The following RBFOX1 variants were observed in gnomAD, a reference collection of about 807,000 sequenced individuals.
The protein encoded by RBFOX1 is RNA binding fox-1 homolog 1.
RBFOX1 carries 8 observed loss-of-function variants against 57.7 expected under a neutral mutation model. That is an observed-to-expected ratio of 0.14 (90% confidence interval 0.08 to 0.25). The LOEUF (loss-of-function observed/expected upper bound fraction) is 0.25, where lower values mean the gene tolerates loss of function less well. Ranked by LOEUF, RBFOX1 falls within the 10% of genes least tolerant of loss-of-function variation. RBFOX1 has a pLI of 1.00. For synonymous variants in RBFOX1, 326 were observed against 222.4 expected, an observed-to-expected ratio of 1.47 and a Z score of -4.15; for missense variants, 611 against 548.5, an observed-to-expected ratio of 1.11 and a Z score of -1.14.
At chr16:7,091,212 C>T (rs1369630959) in intron 4 of RBFOX1, among the ~76,000 whole-genome samples, 1 of 152,012 alleles carries the variant, frequency 6.6e-6, no homozygotes, top group Non-Finnish European at 1.5e-5. Context: ...ATTCCAAGTA[C>T]ACTTCCTCTG....
chr16:7,273,735 C>CCATTCAT (rs2095386413), intron 4 of RBFOX1, among the ~76,000 whole-genome samples: 1 of 152,158 alleles, frequency 6.6e-6, no homozygotes, highest in Admixed American at 6.5e-5. Context: ...TCTAAATTCC[C>CCATTCAT]CATTCATCAG....
At chr16:6,961,454 G>C (rs1250045942) in intron 3 of RBFOX1, among the ~76,000 whole-genome samples, 1 of 152,182 alleles carries the variant, frequency 6.6e-6, no homozygotes, top group Non-Finnish European at 1.5e-5. Flanking sequence ...TATCAGAAAG[G>C]GGTCCCGATC....
At chr16:6,853,162 A>G (rs1178072772) in intron 3 of RBFOX1, among the ~76,000 whole-genome samples, 2 of 152,150 alleles carry the variant, frequency 1.3e-5, no homozygotes, top group African/African-American at 2.4e-5. Context: ...TCTGAGCCTG[A>G]GTTTCCTCCT....
intron 1 of RBFOX1, among the ~76,000 whole-genome samples, chr16:6,100,423 A>C (rs1220003259): frequency 6.6e-6 from 1 of 152,132 alleles, no homozygotes; most frequent in Non-Finnish European, 1.5e-5. Flanking sequence ...CGGCCTCCCA[A>C]AGTGCTGGGA....
chr16:7,615,205 C>A (rs2058233723), intron 10 of RBFOX1, among the ~76,000 whole-genome samples: 1 of 152,160 alleles, frequency 6.6e-6, no homozygotes. Context: ...TGGTGGCGGG[C>A]ACCTGTAGTC....
chr16:6,426,021 T>A (rs1183318316), intron 2 of RBFOX1, among the ~76,000 whole-genome samples: 3 of 151,994 alleles, frequency 2.0e-5, no homozygotes, highest in Non-Finnish European at 4.4e-5. Context: ...AATTGTAGAA[T>A]CTTGTTGGCA....
At chr16:6,441,838 C>T (rs1343359629) in intron 2 of RBFOX1, among the ~76,000 whole-genome samples, 2 of 152,144 alleles carry the variant, frequency 1.3e-5, no homozygotes, top group African/African-American at 2.4e-5. Flanking sequence ...TGTCTCATCC[C>T]AAGTCTGGGG....
intron 3 of RBFOX1, among the ~76,000 whole-genome samples, chr16:6,858,694 C>T (rs1291626023): frequency 6.6e-6 from 1 of 152,104 alleles, no homozygotes; most frequent in African/African-American, 2.4e-5. Context: ...TATGGAATTA[C>T]ATATCAGAAT....
At chr16:7,210,625 A>C (rs1379095356) in intron 4 of RBFOX1, among the ~76,000 whole-genome samples, 1 of 152,188 alleles carries the variant, frequency 6.6e-6, no homozygotes, top group African/African-American at 2.4e-5. Flanking sequence ...TGATGATGAC[A>C]ACTGCTACTC....
At chr16:5,821,303 T>A (rs547237358) in intron 3 of RBFOX1, among the ~76,000 whole-genome samples, 1,581 of 148,060 alleles carry the variant, frequency 0.011, 27 homozygotes, top group African/African-American at 0.019. Context: ...TTTATTTTTT[T>A]TTTTTTTTTT....
chr16:7,283,113 C>G (rs1004685052), intron 4 of RBFOX1, among the ~76,000 whole-genome samples: 2 of 151,986 alleles, frequency 1.3e-5, no homozygotes, highest in Non-Finnish European at 2.9e-5. Flanking sequence ...TGGGTAGATA[C>G]CCAGTAGTGG....
chr16:6,753,617 C>A (rs1454850295), intron 3 of RBFOX1, among the ~76,000 whole-genome samples: 1 of 152,168 alleles, frequency 6.6e-6, no homozygotes, highest in East Asian at 1.9e-4. Flanking sequence ...GTAGAACCAG[C>A]AACAGAGCGA....
chr16:7,702,280 T>A (rs2080995113), intron 14 of RBFOX1, among the ~76,000 whole-genome samples: 1 of 152,216 alleles, frequency 6.6e-6, no homozygotes, highest in African/African-American at 2.4e-5. Context: ...TGAAAGATCT[T>A]CTGTGAAGTC....
At chr16:6,827,451 G>C (rs751453033) in intron 3 of RBFOX1, among the ~76,000 whole-genome samples, 5 of 151,442 alleles carry the variant, frequency 3.3e-5, no homozygotes, top group African/African-American at 1.2e-4. Context: ...TGCAGTCTCA[G>C]TATGATGACA....
At chr16:7,508,209 C>G (rs777993856) in intron 4 of RBFOX1, among the ~76,000 whole-genome samples, 18 of 149,414 alleles carry the variant, frequency 1.2e-4, no homozygotes, top group Non-Finnish European at 2.7e-4. Context: ...AAGTCCTGAC[C>G]TCAAGCGATC....
At chr16:5,835,498 C>T (rs1597433839) in intron 3 of RBFOX1, among the ~76,000 whole-genome samples, 2 of 152,154 alleles carry the variant, frequency 1.3e-5, no homozygotes, top group African/African-American at 4.8e-5. Flanking sequence ...CAACATCCTG[C>T]CTGTTGGTTG....
At chr16:5,425,105 C>CTATCTATCTGTT in intron 1 of RBFOX1, among the ~76,000 whole-genome samples, 2 of 131,566 alleles carry the variant, frequency 1.5e-5, no homozygotes, top group Admixed American at 1.6e-4. Flanking sequence ...ATCTATCTAT[C>CTATCTATCTGTT]TATCTATCTA....
At chr16:6,159,393 G>T (rs910888203) in intron 1 of RBFOX1, among the ~76,000 whole-genome samples, 29 of 152,166 alleles carry the variant, frequency 1.9e-4, no homozygotes, top group African/African-American at 5.5e-4. Context: ...ATAGGTTTTT[G>T]GGGGGAGAAG....
intron 1 of RBFOX1, among the ~76,000 whole-genome samples, chr16:6,206,670 C>T (rs950120470): frequency 6.6e-6 from 1 of 152,140 alleles, no homozygotes; most frequent in African/African-American, 2.4e-5. Context: ...TCAGAAGTTG[C>T]AAAGATAATA....
Sources: gnomAD v4.1 joint callset for allele counts (sites outside exome capture counted in the v4.1 genomes callset) on GRCh38, gnomAD v4.1.1 for gene constraint, MANE v1.5 for transcripts, NCBI Gene and HGNC (gene_info 2026-07-23, HGNC 2026-07-21) for gene names.